PCDHGC5: variants seen among roughly 807,000 people sequenced by gnomAD.
The protein encoded by PCDHGC5 is protocadherin gamma-C5.
A neutral mutation model predicts 59.0 loss-of-function variants in PCDHGC5; 25 were observed. The ratio of observed to expected loss-of-function variants is 0.42; its 90% CI spans 0.31 to 0.59. PCDHGC5 has a LOEUF of 0.59. PCDHGC5 is among the 20% of genes least tolerant of loss of function. The pLI is 0.13. For missense variants in PCDHGC5, 1,067 were observed against 1,206.4 expected (o/e 0.88, Z 1.71); for synonymous variants, 434 against 505.5 (o/e 0.86, Z 1.90).
intron 2 of PCDHGC5, among the ~76,000 whole-genome samples, chr5:141,495,128 G>T (rs1408872159): frequency 2.6e-5 from 4 of 152,160 alleles, no homozygotes; most frequent in African/African-American, 9.7e-5. Flanking sequence ...TCCCCTGAGG[G>T]CACTGTGGAA....
rs1224943883 is a variant in PCDHGC5 at position 141,493,516 on chromosome 5, G to A, written c.2461-1291G>A. Among the ~76,000 whole-genome samples, 1 of 152,122 alleles carries A rather than the reference G, an allele frequency of 6.6e-6. No individual in the cohort carries two copies. The highest frequency in any genetic ancestry group is 1.5e-5 in the Non-Finnish European group (1 of 68,036). On this transcript the variant is annotated intron_variant, in intron 1 of 3. Coordinates refer to ENST00000252087, the MANE Select transcript of PCDHGC5 (RefSeq NM_018929.3). The surrounding 1 kb of genome is among the most constrained non-coding windows in gnomAD (Gnocchi z 4.3). ...GGCTCCTCATTTCTGAGCAGTCCCC[G>A]CAGCGCAAACTTGGCCAGTTATCCT...
rs771124496 is a variant in PCDHGC5, at chr5:141,489,457, C to T, written c.217C>T (p.Arg73Cys). The T allele has an allele frequency of 1.2e-5, 19 of 1,613,882 alleles. No homozygotes were observed. The highest frequency in any genetic ancestry group is 6.7e-5 in the African/African-American group (5 of 74,896). The part of the protein sequence containing the change: ...RLQLGSEENG[R>C]YFSLSLMSGA... Reference sequence around the variant, plus strand: ...GCAATTGGGCTCTGAGGAGAATGGGCGCTATTTTTCCCTGAGCTTGATGAG... The same window carrying T: ...GCAATTGGGCTCTGAGGAGAATGGGTGCTATTTTTCCCTGAGCTTGATGAG... The change falls in exon 1 of 4, where the codon CGC (arginine) becomes TGC (cysteine). Residue 73 changes from arginine to cysteine, a missense_variant. Coordinates refer to ENST00000252087, the MANE Select transcript of PCDHGC5 (RefSeq NM_018929.3). The surrounding 1 kb of genome is among the most constrained non-coding windows in gnomAD (Gnocchi z 4.5).
intron 3 of PCDHGC5, among the ~76,000 whole-genome samples, chr5:141,506,402 G>A (rs1032556978): frequency 2.8e-5 from 4 of 143,790 alleles, no homozygotes; most frequent in East Asian, 2.0e-4. Flanking sequence ...GCAGAAAATC[G>A]CACCACTGCA....
Position 141,506,556 on chromosome 5 carries a change from AC to A in PCDHGC5, c.2608+1080del, listed in dbSNP as rs560503002. Among the ~76,000 whole-genome samples the A allele has an allele frequency of 4.0e-4, 60 of 151,718 alleles. 1 individual carries two copies. In the East Asian group the frequency reaches 0.011, roughly 28 times the overall value. ...AATGAGTCCTTAGGTAAGTTATTAA[AC>A]CCCCTCGGTTTCACTTACTATTAAT... On this transcript the variant is annotated intron_variant, in intron 3 of 3. Coordinates refer to ENST00000252087, the MANE Select transcript of PCDHGC5 (RefSeq NM_018929.3).
chr5:141,504,380 C>T (rs943816582), intron 2 of PCDHGC5, among the ~76,000 whole-genome samples: 1 of 152,088 alleles, frequency 6.6e-6, no homozygotes, highest in African/African-American at 2.4e-5. Flanking sequence ...GGTGGAGTCG[C>T]TGCCTCACAG....
At position 141,491,111 on chromosome 5, in the gene PCDHGC5, A is replaced by G; in HGVS notation, c.1871A>G (p.His624Arg). 1 of 1,614,162 alleles carries G rather than the reference A, an allele frequency of 6.2e-7. No individual in the cohort carries two copies. Among genetic ancestry groups the G allele is most frequent in the Non-Finnish European group, 8.5e-7 (1 of 1,180,026 alleles). ...TAPGLFLVST[H>R]TGEVRTARAL... Reference sequence around the variant, plus strand: ...CCAGGACTGTTCCTCGTGTCTACACACACTGGTGAGGTGCGCACAGCCCGG... The same window carrying G: ...CCAGGACTGTTCCTCGTGTCTACACGCACTGGTGAGGTGCGCACAGCCCGG... Residue 624 changes from histidine to arginine, a missense_variant, in exon 1 of 4, where the codon CAC (histidine) becomes CGC (arginine). His to Arg is a conservative substitution (Grantham distance 29, BLOSUM62 0). Transcript: ENST00000252087. This position sits in a 1 kb window ranked among gnomAD's most constrained non-coding sequence, Gnocchi z 6.9.
intron 2 of PCDHGC5, among the ~76,000 whole-genome samples, chr5:141,495,645 C>T (rs2099762719): frequency 6.6e-6 from 1 of 152,208 alleles, no homozygotes; most frequent in South Asian, 2.1e-4. Context: ...CATTTGTCTA[C>T]TTGCATTGAT....
Position 141,510,980 on chromosome 5 carries a change from G to C in PCDHGC5, c.2642G>C (p.Gly881Ala), listed in dbSNP as rs1466168256. 12 of 1,614,170 alleles carry C rather than the reference G, an allele frequency of 7.4e-6. No individual in the cohort carries two copies. The highest frequency in any genetic ancestry group is 9.3e-6 in the Non-Finnish European group (11 of 1,180,014). ...AADGSSTLGG[G>A]AGTMGLSARY... ...GATGGGAGCTCCACCCTGGGAGGGG[G>C]TGCCGGCACCATGGGATTGAGCGCC... is the stretch of plus-strand genomic sequence containing the variant. Residue 881 changes from glycine (G) to alanine (A), a missense_variant, in exon 4 of 4, where the codon GGT becomes GCT. By Grantham distance (60) the Gly-to-Ala change is moderately conservative (BLOSUM62 0). Transcript: ENST00000252087.
At chr5:141,510,238 A>C (rs2099880007) in intron 3 of PCDHGC5, among the ~76,000 whole-genome samples, 1 of 149,340 alleles carries the variant, frequency 6.7e-6, no homozygotes, top group Non-Finnish European at 1.5e-5. Flanking sequence ...GCGCCACTGC[A>C]CTCCAGGCTG....
At position 141,490,852 on chromosome 5, in the gene PCDHGC5, G is replaced by A. The variant is rs759198428; in HGVS notation, c.1612G>A (p.Asp538Asn). 2 of 1,613,896 alleles carry A rather than the reference G, an allele frequency of 1.2e-6. No individual in the cohort carries two copies. Among genetic ancestry groups the A allele is most frequent in the Non-Finnish European group, 1.7e-6 (2 of 1,179,928 alleles). ...GCTGCAGATTGTGGTGGGGGTTCGA[G>A]ACTCCGGCTCTCCCCCATTGCATGC... Reference protein sequence around the residue: ...QMLQIVVGVRDSGSPPLHANT... With the variant: ...QMLQIVVGVRNSGSPPLHANT... The change falls in exon 1 of 4, where the codon GAC (aspartate) becomes AAC (asparagine). Residue 538 changes from aspartate (D) to asparagine (N), a missense_variant. Physicochemically the swap from Asp to Asn is conservative, Grantham distance 23. Transcript: ENST00000252087. The surrounding 1 kb of genome is among the most constrained non-coding windows in gnomAD (Gnocchi z 5.4).
chr5:141,501,288 T>TACAC (rs1562199973), intron 2 of PCDHGC5, among the ~76,000 whole-genome samples: 2 of 81,228 alleles, frequency 2.5e-5, no homozygotes, highest in Admixed American at 1.6e-4. Flanking sequence ...GATATTCCCT[T>TACAC]ATACACACAC....
intron 2 of PCDHGC5, among the ~76,000 whole-genome samples, chr5:141,497,621 C>T (rs769483223): frequency 7.3e-5 from 11 of 151,482 alleles, no homozygotes; most frequent in Non-Finnish European, 1.3e-4. Flanking sequence ...CTCACTGCAA[C>T]CTCTGCCTGC....
Position 141,489,463 on chromosome 5 carries a change from T to C in PCDHGC5, c.223T>C (p.Phe75Leu). ...GGGCTCTGAGGAGAATGGGCGCTAT[T>C]TTTCCCTGAGCTTGATGAGTGGTGC... ...QLGSEENGRYFSLSLMSGALA... is the reference protein window; with the variant it reads ...QLGSEENGRYLSLSLMSGALA... Residue 75 changes from phenylalanine (F) to leucine (L), a missense_variant, in exon 1 of 4, where the codon TTT becomes CTT. Phe to Leu is a conservative substitution (Grantham distance 22). Transcript: ENST00000252087. This position sits in a 1 kb window ranked among gnomAD's most constrained non-coding sequence, Gnocchi z 4.5. 6.2e-7 allele frequency: 1 copy of C among 1,614,050 alleles called. No individual in the cohort carries two copies. The highest frequency in any genetic ancestry group is 8.5e-7 in the Non-Finnish European group (1 of 1,180,002).
rs777780708 is a variant in PCDHGC5, at chr5:141,489,934, G to C, written c.694G>C (p.Val232Leu). ...AGGGACCACCCTTATCTCTGTCATC[G>C]TGCTGGACATCAATGATAATGCTCC... Reference protein sequence around the residue: ...RSGTTLISVIVLDINDNAPTF... With the variant: ...RSGTTLISVILLDINDNAPTF... Residue 232 changes from valine to leucine, a missense_variant, in exon 1 of 4, where the codon GTG becomes CTG. Physicochemically the swap from Val to Leu is conservative, Grantham distance 32 (BLOSUM62 1). Transcript: ENST00000252087. The surrounding 1 kb of genome is among the most constrained non-coding windows in gnomAD (Gnocchi z 4.5). The C allele has an allele frequency of 1.4e-5, 23 of 1,614,176 alleles. No homozygotes were observed. Among genetic ancestry groups the C allele is most frequent in the Non-Finnish European group, 1.8e-5 (21 of 1,180,030 alleles).
rs771884610 is a variant in PCDHGC5, at chr5:141,491,436, G to T, written c.2196G>T (p.Arg732Ser). 1 of 1,614,070 alleles carries T rather than the reference G, an allele frequency of 6.2e-7. No individual in the cohort carries two copies. Reference protein sequence around the residue: ...DGDGGGGQCCRRQDSPSPDFY... With the variant: ...DGDGGGGQCCSRQDSPSPDFY... ...ACGGGGGTGGAGGGCAGTGCTGCAGGCGCCAGGACTCACCCTCCCCGGACT... is the reference window on the plus strand; with the variant it reads ...ACGGGGGTGGAGGGCAGTGCTGCAGTCGCCAGGACTCACCCTCCCCGGACT... Residue 732 changes from arginine to serine, a missense_variant, in exon 1 of 4, where the codon AGG (arginine) becomes AGT (serine). Coordinates refer to ENST00000252087, the MANE Select transcript of PCDHGC5 (RefSeq NM_018929.3). The surrounding 1 kb of genome is among the most constrained non-coding windows in gnomAD (Gnocchi z 6.9).
chr5:141,490,584 T>G lies in PCDHGC5; in HGVS notation c.1344T>G (p.Asn448Lys), dbSNP rs751060540. 1 of 1,614,170 alleles carries G rather than the reference T, an allele frequency of 6.2e-7. No individual in the cohort carries two copies. Among genetic ancestry groups the G allele is most frequent in the South Asian group, 1.1e-5 (1 of 91,080 alleles). ...LTIRLNISDV[N>K]DNAPRFNQQL... is the part of the protein sequence containing the mutation. ...TCAGGCTCAACATTTCAGATGTCAA[T>G]GACAATGCACCCCGCTTCAACCAGC... Residue 448 changes from asparagine to lysine, a missense_variant, in exon 1 of 4, where the codon AAT becomes AAG. Transcript: ENST00000252087. This position sits in a 1 kb window ranked among gnomAD's most constrained non-coding sequence, Gnocchi z 5.4.
At position 141,491,672 on chromosome 5, in the gene PCDHGC5, G is replaced by A. The variant is rs754836157; in HGVS notation, c.2432G>A (p.Arg811His). The A allele has an allele frequency of 9.9e-6, 16 of 1,613,494 alleles. No homozygotes were observed. The South Asian group carries it at 1.4e-4, about 14-fold the overall frequency. Residue 811 changes from arginine (R) to histidine (H), a missense_variant, in exon 1 of 4, where the codon CGC becomes CAC. Transcript: ENST00000252087. This position sits in a 1 kb window ranked among gnomAD's most constrained non-coding sequence, Gnocchi z 6.9. ...CTGGAGCCTGACGCCATCCGGTCCCGCTCTAATACGCTGCGGGAGCGGAGC... is the reference window on the plus strand; with the variant it reads ...CTGGAGCCTGACGCCATCCGGTCCCACTCTAATACGCTGCGGGAGCGGAGC... The part of the protein sequence containing the change: ...LALEPDAIRS[R>H]SNTLRERSQQ...
chr5:141,498,848 G>A (rs930895553), intron 2 of PCDHGC5, among the ~76,000 whole-genome samples: 3 of 151,908 alleles, frequency 2.0e-5, no homozygotes, highest in Non-Finnish European at 4.4e-5. Context: ...CAGGGGAATC[G>A]CTTGAACCCA....
chr5:141,507,206 G>A (rs1392293998), intron 3 of PCDHGC5: 2 of 152,376 alleles, frequency 1.3e-5, no homozygotes, highest in African/African-American at 4.8e-5. Flanking sequence ...CCAGATCAGG[G>A]TTGCCAGATA....
Sources: allele counts gnomAD v4.1 joint callset (sites outside exome capture counted in the v4.1 genomes callset), GRCh38; gene constraint gnomAD v4.1.1; non-coding constraint Gnocchi (gnomAD v3.1); transcripts MANE v1.5; gene names NCBI Gene and HGNC (gene_info 2026-07-23, HGNC 2026-07-21).